Variants in ARID3C observed in about 807,000 individuals in gnomAD.
ARID3C encodes AT-rich interactive domain-containing protein 3C.
A neutral mutation model predicts 37.9 loss-of-function variants in ARID3C; 42 were observed. The observed-to-expected ratio is 1.11, with a 90% CI of 0.87 to 1.43. ARID3C has a LOEUF of 1.43. Ranked by LOEUF, ARID3C falls within the 40% of genes most tolerant of loss-of-function variation. The probability of loss-of-function intolerance (pLI) is 0.00; values close to 1 mark genes in which losing one functional copy is unlikely to be tolerated. For missense variants in ARID3C, 581 were observed against 548.8 expected (o/e 1.06, Z -0.59); for synonymous variants, 213 against 228.0 (o/e 0.93, Z 0.59).
At chr9:34,625,893 A>AACAAGGT in intron 1 of ARID3C, 79 bp from the exon 3 acceptor site, 2 of 1,501,552 alleles carry the variant, frequency 1.3e-6, no homozygotes, top group East Asian at 4.5e-5. Flanking sequence ...TTGTACCCTG[A>AACAAGGT]ACAAGGGTCC....
At chr9:34,624,360 C>G (rs1820626565) in intron 2 of ARID3C, among the ~76,000 whole-genome samples, 1 of 152,254 alleles carries the variant, frequency 6.6e-6, no homozygotes, top group South Asian at 2.1e-4. Context: ...AATATAGACT[C>G]TGAAATTCGA....
At chr9:34,632,223 G>A (rs1820728425), upstream of ARID3C, among the ~76,000 whole-genome samples, 7 of 152,334 alleles carry the variant, frequency 4.6e-5, no homozygotes, top group South Asian at 1.0e-3. Context: ...AATTGAAGGA[G>A]GGGAGGAAGA....
chr9:34,625,720 T>C (rs1820645824), intron 2 of ARID3C, 22 bp downstream of exon 3: 1 of 1,613,250 alleles, frequency 6.2e-7, no homozygotes, highest in African/African-American at 1.3e-5. Context: ...CCAGGGCCCT[T>C]CCCCCACATC....
chr9:34,631,654 G>A (rs1387501742), upstream of ARID3C, among the ~76,000 whole-genome samples: 1 of 151,174 alleles, frequency 6.6e-6, no homozygotes, highest in Non-Finnish European at 1.5e-5. Flanking sequence ...TAGCTGGGTT[G>A]GGGGGAACAT....
chr9:34,629,758 C>CT (rs1455628026), upstream of ARID3C, among the ~76,000 whole-genome samples: 7 of 151,860 alleles, frequency 4.6e-5, no homozygotes, highest in East Asian at 1.9e-4. Flanking sequence ...TCTTTCTTTT[C>CT]TTTTTTTTCT....
At chr9:34,631,062 G>C (rs1205161267), upstream of ARID3C, among the ~76,000 whole-genome samples, 1 of 152,186 alleles carries the variant, frequency 6.6e-6, no homozygotes, top group Non-Finnish European at 1.5e-5. Flanking sequence ...GGAGAGCAGA[G>C]GGTAGCAATC....
chr9:34,626,828 T>A (rs1436923979), intron 1 of ARID3C, among the ~76,000 whole-genome samples: 1 of 152,136 alleles, frequency 6.6e-6, no homozygotes, highest in Admixed American at 6.6e-5. Context: ...AACACTCAGT[T>A]TTATACTAAT....
At position 34,623,689 on chromosome 9, in the gene ARID3C, C is replaced by A; in HGVS notation, c.601G>T (p.Glu201Ter). ...GAGCTGAGCGCTCGAGTCTCGCACT[C>A]GTACGGGTACAGGTACTTCATGTAC... Residue 201 changes from glutamate to a stop codon, truncating the protein, a stop_gained, in exon 4 of 7, where the codon GAG becomes TAG. Transcript: ENST00000378909. LOFTEE classifies it high-confidence loss of function. The A allele has an allele frequency of 6.4e-7, 1 of 1,568,476 alleles. No individual in the cohort carries two copies. The highest frequency in any genetic ancestry group is 8.6e-7 in the Non-Finnish European group (1 of 1,160,852).
chr9:34,630,225 G>C (rs1820711088), upstream of ARID3C, among the ~76,000 whole-genome samples: 1 of 152,092 alleles, frequency 6.6e-6, no homozygotes, highest in Non-Finnish European at 1.5e-5. Flanking sequence ...GACCCCCTCA[G>C]CCCACTGCTT....
upstream of ARID3C, among the ~76,000 whole-genome samples, chr9:34,628,690 C>A (rs775668465): frequency 2.6e-5 from 4 of 151,976 alleles, no homozygotes; most frequent in Non-Finnish European, 5.9e-5. This position sits in a 1 kb window ranked among gnomAD's most constrained non-coding sequence, Gnocchi z 5.2. Context: ...CAGCAGGAAA[C>A]GGACAGAAGA....
upstream of ARID3C, among the ~76,000 whole-genome samples, chr9:34,628,738 G>C (rs1820692578): frequency 6.6e-6 from 1 of 152,170 alleles, no homozygotes; most frequent in Non-Finnish European, 1.5e-5. This position sits in a 1 kb window ranked among gnomAD's most constrained non-coding sequence, Gnocchi z 5.2. Flanking sequence ...GAGAGGGACC[G>C]ACAGAGACAG....
chr9:34,631,609 G>A (rs1231827035), upstream of ARID3C, among the ~76,000 whole-genome samples: 2 of 151,800 alleles, frequency 1.3e-5, no homozygotes, highest in East Asian at 3.9e-4. Flanking sequence ...AATATACAGT[G>A]TGTCAGATAG....
At position 34,623,704 on chromosome 9, in the gene ARID3C, A is replaced by AC; in HGVS notation, c.585dup (p.Tyr196ValfsTer92). On this transcript the variant is annotated frameshift_variant, in exon 4 of 7. Coordinates refer to ENST00000378909, the Ensembl canonical transcript of ARID3C. LOFTEE classifies it high-confidence loss of function. ...GTCTCGCACTCGTACGGGTACAGGT[A>AC]CTTCATGTACCTAGGGGCGGACAGC... 6.5e-7 allele frequency: 1 copy of AC among 1,547,626 alleles called. No homozygotes were observed. The highest frequency in any genetic ancestry group is 8.7e-7 in the Non-Finnish European group (1 of 1,147,908).
chr9:34,621,349 T>A, downstream of ARID3C: 1 of 731,490 alleles, frequency 1.4e-6, no homozygotes, highest in Non-Finnish European at 2.1e-6. Context: ...GGAGGTGTCG[T>A]CCCCTCCCAG....
chr9:34,632,734 T>C (rs1820733566), upstream of ARID3C, among the ~76,000 whole-genome samples: 2 of 152,016 alleles, frequency 1.3e-5, no homozygotes, highest in African/African-American at 4.8e-5. Context: ...GGCAGCTGGG[T>C]AAATGGAGGT....
chr9:34,629,800 T>C (rs978235439), upstream of ARID3C, among the ~76,000 whole-genome samples: 2 of 152,160 alleles, frequency 1.3e-5, no homozygotes, highest in Non-Finnish European at 2.9e-5. Flanking sequence ...TCACCCAGGC[T>C]GGAGTGCAGT....
chr9:34,631,801 A>C (rs562556111), upstream of ARID3C, among the ~76,000 whole-genome samples: 3 of 152,352 alleles, frequency 2.0e-5, no homozygotes, highest in African/African-American at 7.2e-5. Context: ...GTGTTGTAGT[A>C]AAAAGGTTGG....
At chr9:34,628,577 T>C (rs1021567861), upstream of ARID3C, among the ~76,000 whole-genome samples, 1 of 151,116 alleles carries the variant, frequency 6.6e-6, no homozygotes, top group African/African-American at 2.4e-5. The surrounding 1 kb of genome is among the most constrained non-coding windows in gnomAD (Gnocchi z 5.2). Context: ...GAGCAACAGA[T>C]AAAAGACCTA....
intron 4 of ARID3C, 32 bp downstream of exon 5, chr9:34,623,393 A>AC: frequency 2.7e-6 from 4 of 1,469,644 alleles, no homozygotes; most frequent in Non-Finnish European, 3.6e-6. Flanking sequence ...AACCTCAGAG[A>AC]CCCCGAAACC....
Sources: gnomAD v4.1 joint callset for allele counts (sites outside exome capture counted in the v4.1 genomes callset) on GRCh38, gnomAD v4.1.1 for gene constraint, Gnocchi (gnomAD v3.1) non-coding constraint, MANE v1.5 for transcripts, NCBI Gene and HGNC (gene_info 2026-07-23, HGNC 2026-07-21) for gene names.